RFX2: variants seen among roughly 807,000 people sequenced by gnomAD.
The protein encoded by RFX2 is DNA-binding protein RFX2.
RFX2 carries 20 observed loss-of-function variants against 87.8 expected under a neutral mutation model. The ratio of observed to expected loss-of-function variants is 0.23; its 90% CI spans 0.16 to 0.33. The LOEUF (loss-of-function observed/expected upper bound fraction) is 0.33. RFX2 is among the 10% of genes least tolerant of loss of function. The pLI, the probability that RFX2 is intolerant of heterozygous loss-of-function variation, is 1.00. For missense variants in RFX2, 767 were observed against 1,012.3 expected (o/e 0.76, Z 3.29); for synonymous variants, 397 against 431.3 (o/e 0.92, Z 0.98).
Position 6,050,627 on chromosome 19 carries a change from A to G in RFX2, c.-8-3123T>C, listed in dbSNP as rs2087254911. 1.3e-5 allele frequency among the ~76,000 whole-genome samples: 2 copies of G among 152,214 alleles called. No individual in the cohort carries two copies. The highest frequency in any genetic ancestry group is 1.5e-5 in the Non-Finnish European group (1 of 68,034). On this transcript the variant is annotated intron_variant, in intron 1 of 17. Coordinates refer to ENST00000303657, the MANE Select transcript of RFX2 (RefSeq NM_000635.4). This position sits in a 1 kb window ranked among gnomAD's most constrained non-coding sequence, Gnocchi z 4.6. ...ATGGAAAGAGTTAGTGAACTTAACA[A>G]TAGATAAAAAGCATTTACCCAATCT... is the stretch of plus-strand genomic sequence containing the variant.
Position 6,022,596 on chromosome 19 carries a change from G to A in RFX2, c.597+3567C>T, listed in dbSNP as rs886225252. On this transcript the variant is annotated intron_variant, in intron 6 of 17. Transcript: ENST00000303657. The surrounding 1 kb of genome is among the most constrained non-coding windows in gnomAD (Gnocchi z 6.2). ...CTCAAGTCGGTGGCCTGCCACACCC[G>A]GTCGGGTGAAGACATGTTTCATCCC... 2.6e-5 allele frequency among the ~76,000 whole-genome samples: 4 copies of A among 152,188 alleles called. No homozygotes were observed. Among genetic ancestry groups the A allele is most frequent in the African/African-American group, 4.8e-5 (2 of 41,442 alleles).
intron 1 of RFX2, among the ~76,000 whole-genome samples, chr19:6,057,852 T>C (rs1006366857): frequency 1.3e-5 from 2 of 152,172 alleles, no homozygotes; most frequent in Non-Finnish European, 2.9e-5. Flanking sequence ...AAAAGTCTTG[T>C]CCGTTTCCTT....
intron 1 of RFX2, among the ~76,000 whole-genome samples, chr19:6,095,393 C>T (rs954433594): frequency 6.6e-6 from 1 of 152,140 alleles, no homozygotes; most frequent in East Asian, 1.9e-4. Context: ...CCCACAAATA[C>T]AGTTAGACAT....
In RFX2 at chr19:6,042,039, C is replaced by A; in HGVS notation, c.260+5G>T. 1 of 1,613,184 alleles carries A rather than the reference C, an allele frequency of 6.2e-7. No individual in the cohort carries two copies. The highest frequency in any genetic ancestry group is 8.5e-7 in the Non-Finnish European group (1 of 1,179,174). ...CCGGGTGTGGCCCGCGGGAGAAGCA[C>A]GCACATGGCTCCATTGGTGTAGACG... On this transcript the variant is annotated splice_donor_5th_base_variant and intron_variant, in intron 4 of 17. Transcript: ENST00000303657.
rs534248326 is a variant in RFX2 at position 6,095,034 on chromosome 19, C to T, written c.-9+15359G>A. On this transcript the variant is annotated intron_variant, in intron 1 of 17. Coordinates refer to ENST00000303657, the MANE Select transcript of RFX2 (RefSeq NM_000635.4). ...GGCTGAGGCAGGAGAATGGTGTGAACCCAGGAGGCAGAGCTTGCAGTGAGC... is the reference window on the plus strand; with the variant it reads ...GGCTGAGGCAGGAGAATGGTGTGAATCCAGGAGGCAGAGCTTGCAGTGAGC... Among the ~76,000 whole-genome samples the T allele has an allele frequency of 1.2e-3, 189 of 152,306 alleles. 1 individual carries two copies. The highest frequency in any genetic ancestry group is 4.3e-3 in the African/African-American group (179 of 41,568).
chr19:6,002,655 G>A lies in RFX2; in HGVS notation c.1650+66C>T. On this transcript the variant is annotated intron_variant, in intron 14 of 17. Transcript: ENST00000303657. This position sits in a 1 kb window ranked among gnomAD's most constrained non-coding sequence, Gnocchi z 6.7. ...CAGGTTGTGCCACGGGCTCCACTTG[G>A]TGGGTTTGCTGGTTTTGCTGGAGGG... 1 of 1,588,050 alleles carries A rather than the reference G, an allele frequency of 6.3e-7. No individual in the cohort carries two copies. Among genetic ancestry groups the A allele is most frequent in the Non-Finnish European group, 8.6e-7 (1 of 1,162,588 alleles).
rs572636248 is a variant in RFX2, at chr19:6,039,572, G to C, written c.522+408C>G. Among the ~76,000 whole-genome samples the C allele has an allele frequency of 6.6e-6, 1 of 152,236 alleles. No homozygotes were observed. Among genetic ancestry groups the C allele is most frequent in the Non-Finnish European group, 1.5e-5 (1 of 68,046 alleles). On this transcript the variant is annotated intron_variant, in intron 5 of 17. Transcript: ENST00000303657. The surrounding 1 kb of genome is among the most constrained non-coding windows in gnomAD (Gnocchi z 5.2). ...TGGCAGCGAGAACTCGGCAGAGGCT[G>C]CAGGGAAACTTCCCCTGCTTGATTC...
At chr19:6,057,624 G>A (rs1388675036) in intron 1 of RFX2, among the ~76,000 whole-genome samples, 3 of 152,186 alleles carry the variant, frequency 2.0e-5, no homozygotes, top group African/African-American at 7.2e-5. Context: ...GTGTTTGGGA[G>A]GCACGTGGCC....
rs2086661981 is a variant in RFX2 at position 6,011,729 on chromosome 19, G to A, written c.899+1257C>T. 6.6e-6 allele frequency among the ~76,000 whole-genome samples: 1 copy of A among 152,232 alleles called. No individual in the cohort carries two copies. The highest frequency in any genetic ancestry group is 2.4e-5 in the African/African-American group (1 of 41,464). On this transcript the variant is annotated intron_variant, in intron 8 of 17. Transcript: ENST00000303657. The surrounding 1 kb of genome is among the most constrained non-coding windows in gnomAD (Gnocchi z 4.8). ...CTCCAACTCCTGGGAGTGGCTGTGT[G>A]GTCAGGAGTCAATGGGTTACGCAGA...
intron 3 of RFX2, among the ~76,000 whole-genome samples, chr19:6,043,309 G>A (rs546086788): frequency 6.6e-6 from 1 of 152,340 alleles, no homozygotes; most frequent in South Asian, 2.1e-4. Flanking sequence ...GGCCTGTCTG[G>A]AGCCTTTTCC....
At chr19:6,005,571 C>T (rs531319340) in intron 12 of RFX2, among the ~76,000 whole-genome samples, 10 of 152,274 alleles carry the variant, frequency 6.6e-5, no homozygotes, top group South Asian at 2.1e-4. Context: ...TCCAAGGGCA[C>T]GAGTGATCTC....
At chr19:6,073,677 T>C (rs2087641662) in intron 1 of RFX2, 1 of 253,128 alleles carries the variant, frequency 4.0e-6, no homozygotes, top group Non-Finnish European at 7.7e-6. Context: ...GCTGAATGGA[T>C]GAAAGCCCTC....
rs771562752 is a variant in RFX2, at chr19:6,040,084, C to A, written c.418G>T (p.Gly140Trp). ...GCGCTGGAGACGATGGGGCTCCCCC[C>A]GACATCCATGGTGATGCCCACCATG... ...HSMVGITMDV[G>W]GSPIVSSAGA... The change falls in exon 5 of 18, where the codon GGG (glycine) becomes TGG (tryptophan). Residue 140 changes from glycine to tryptophan, a missense_variant. Gly to Trp is a radical substitution (Grantham distance 184, BLOSUM62 -2). Coordinates refer to ENST00000303657, the MANE Select transcript of RFX2 (RefSeq NM_000635.4). This position sits in a 1 kb window ranked among gnomAD's most constrained non-coding sequence, Gnocchi z 6.1. The A allele has an allele frequency of 6.2e-7, 1 of 1,612,172 alleles. No homozygotes were observed. Among genetic ancestry groups the A allele is most frequent in the Non-Finnish European group, 8.5e-7 (1 of 1,179,704 alleles).
chr19:6,064,599 C>T lies in RFX2; in HGVS notation c.-8-17095G>A, dbSNP rs371321104. On this transcript the variant is annotated intron_variant, in intron 1 of 17. Coordinates refer to ENST00000303657, the MANE Select transcript of RFX2 (RefSeq NM_000635.4). The surrounding 1 kb of genome is among the most constrained non-coding windows in gnomAD (Gnocchi z 4.8). ...AGCCTGGTGACCTGACCCGGCAGCA[C>T]GCCCACTGGGCACCTGTGCCCACCT... 5.2e-4 allele frequency among the ~76,000 whole-genome samples: 79 copies of T among 152,344 alleles called. 1 individual carries two copies. The East Asian group carries it at 0.013, about 26-fold the overall frequency.
In RFX2 at chr19:6,064,407, T is replaced by C. The variant is rs539073403; in HGVS notation, c.-8-16903A>G. Among the ~76,000 whole-genome samples the C allele has an allele frequency of 1.3e-5, 2 of 152,318 alleles. No homozygotes were observed. The highest frequency in any genetic ancestry group is 6.5e-5 in the Admixed American group (1 of 15,304). ...CAGCTGCTGATGGTCAAGATGAAGA[T>C]GGGGAATGTGCCAGTGAAAACCTGG... On this transcript the variant is annotated intron_variant, in intron 1 of 17. Coordinates refer to ENST00000303657, the MANE Select transcript of RFX2 (RefSeq NM_000635.4). This position sits in a 1 kb window ranked among gnomAD's most constrained non-coding sequence, Gnocchi z 4.8.
chr19:6,089,262 G>A (rs2087899078), intron 1 of RFX2, among the ~76,000 whole-genome samples: 1 of 152,190 alleles, frequency 6.6e-6, no homozygotes, highest in Non-Finnish European at 1.5e-5. Context: ...GCGTCCAGCA[G>A]GTCAGGGACA....
chr19:6,009,649 A>G (rs568088047), intron 9 of RFX2, among the ~76,000 whole-genome samples: 4 of 152,138 alleles, frequency 2.6e-5, no homozygotes, highest in African/African-American at 9.6e-5. Context: ...TGGCGTGATC[A>G]TGGCTCACTG....
intron 1 of RFX2, among the ~76,000 whole-genome samples, chr19:6,077,615 C>T (rs140792955): frequency 7.6e-4 from 116 of 152,286 alleles, no homozygotes; most frequent in African/African-American, 2.7e-3. Context: ...GCTTGGATAC[C>T]AATGTTCACA....
At chr19:6,068,930 GC>G (rs1204721559) in intron 1 of RFX2, among the ~76,000 whole-genome samples, 1 of 152,140 alleles carries the variant, frequency 6.6e-6, no homozygotes, top group Non-Finnish European at 1.5e-5. Context: ...AGGGAGGGGG[GC>G]CTGGCTGTGA....
Sources: allele counts gnomAD v4.1 joint callset (sites outside exome capture counted in the v4.1 genomes callset), GRCh38; gene constraint gnomAD v4.1.1; non-coding constraint Gnocchi (gnomAD v3.1); transcripts MANE v1.5; gene names NCBI Gene and HGNC (gene_info 2026-07-23, HGNC 2026-07-21).